SCG5: variants seen among roughly 807,000 people sequenced by gnomAD.
SCG5 encodes neuroendocrine protein 7B2.
SCG5 carries 18 observed loss-of-function variants against 25.7 expected under a neutral mutation model. The ratio of observed to expected loss-of-function variants is 0.70; its 90% CI spans 0.48 to 1.04. The LOEUF (loss-of-function observed/expected upper bound fraction) is 1.04. Among genes scored for constraint, SCG5 ranks in the 50% least tolerant of loss-of-function variants. The probability of loss-of-function intolerance (pLI) is 0.00; values close to 1 mark genes in which losing one functional copy is unlikely to be tolerated. For synonymous variants in SCG5, 101 were observed against 91.7 expected, an observed-to-expected ratio of 1.10 and a Z score of -0.58; for missense variants, 206 against 259.8, an observed-to-expected ratio of 0.79 and a Z score of 1.42.
At chr15:32,686,504 G>A in intron 4 of SCG5, among the ~76,000 whole-genome samples, 1 of 152,084 alleles carries the variant, frequency 6.6e-6, no homozygotes, top group East Asian at 1.9e-4. Context: ...GATATGTCAG[G>A]TTCATATGAA....
intron 5 of SCG5, chr15:32,692,162 C>G (rs963998045): frequency 3.9e-6 from 4 of 1,038,002 alleles, no homozygotes; most frequent in Non-Finnish European, 4.6e-6. Context: ...AGGACAGAAA[C>G]AGGGAAGTGC....
chr15:32,678,280 A>C (rs1404592866), intron 2 of SCG5, among the ~76,000 whole-genome samples: 2 of 152,216 alleles, frequency 1.3e-5, no homozygotes, highest in Non-Finnish European at 2.9e-5. Context: ...CTCAGACAAC[A>C]TGGGAAAATA....
chr15:32,672,868 T>C (rs1361014573), intron 2 of SCG5: 1 of 130,728 alleles, frequency 7.6e-6, no homozygotes, highest in Non-Finnish European at 1.6e-5. Flanking sequence ...AGGACGTTTT[T>C]AATAAGGATG....
intron 2 of SCG5, among the ~76,000 whole-genome samples, chr15:32,677,951 C>T (rs1342948836): frequency 2.0e-5 from 3 of 152,078 alleles, no homozygotes; most frequent in Non-Finnish European, 2.9e-5. Flanking sequence ...AATAGGTTTT[C>T]GTATGTATGA....
intron 2 of SCG5, among the ~76,000 whole-genome samples, chr15:32,661,561 G>A (rs560767218): frequency 2.0e-5 from 3 of 152,112 alleles, no homozygotes; most frequent in South Asian, 4.2e-4. Flanking sequence ...CAGAGGTTGC[G>A]GTGAGCCGAG....
At chr15:32,661,619 A>C (rs1484109945) in intron 2 of SCG5, among the ~76,000 whole-genome samples, 1 of 152,130 alleles carries the variant, frequency 6.6e-6, no homozygotes, top group Non-Finnish European at 1.5e-5. Flanking sequence ...ACTCTGTCTC[A>C]ACAAAAAAAA....
chr15:32,695,822 A>G (rs1213632202), intron 5 of SCG5, among the ~76,000 whole-genome samples: 1 of 152,192 alleles, frequency 6.6e-6, no homozygotes, highest in Non-Finnish European at 1.5e-5. Context: ...AGGGCCATAG[A>G]ATAATAATTA....
chr15:32,659,092 C>T (rs999096495), intron 2 of SCG5, among the ~76,000 whole-genome samples: 3 of 152,148 alleles, frequency 2.0e-5, no homozygotes, highest in East Asian at 1.9e-4. Flanking sequence ...AGGAGAATGG[C>T]GAGAACCTGG....
chr15:32,680,489 C>T (rs556940719), intron 3 of SCG5, among the ~76,000 whole-genome samples: 58 of 152,040 alleles, frequency 3.8e-4, no homozygotes, highest in African/African-American at 1.4e-3. Context: ...TGAGCCACTG[C>T]GCCCGGCCTG....
At chr15:32,691,638 C>A in intron 4 of SCG5, 72 bp from the exon 5 acceptor site, 1 of 1,218,600 alleles carries the variant, frequency 8.2e-7, no homozygotes, top group Non-Finnish European at 1.2e-6. Context: ...CCAAGTATTG[C>A]TTTTAAAATA....
chr15:32,643,288 C>T (rs1290345867), intron 1 of SCG5, among the ~76,000 whole-genome samples: 3 of 152,174 alleles, frequency 2.0e-5, no homozygotes, highest in Non-Finnish European at 4.4e-5. Context: ...GCAGAACTTT[C>T]AGGGAGCTAC....
rs77374368 is a variant in SCG5 at position 32,669,675 on chromosome 15, C to T, written c.227-10091C>T. 3.7e-3 allele frequency among the ~76,000 whole-genome samples: 564 copies of T among 152,228 alleles called. 4 individuals are homozygous for T. The highest frequency in any genetic ancestry group is 0.013 in the African/African-American group (536 of 41,518). On this transcript the variant is annotated intron_variant, in intron 2 of 5. Coordinates refer to ENST00000300175, the MANE Select transcript of SCG5 (RefSeq NM_001144757.3). ...GCTATTGCAAATTACCTATTTGAAA[C>T]GGCTTTTTCAAAACCTGCTAAATTC...
At chr15:32,686,934 G>A (rs2054722843) in intron 4 of SCG5, among the ~76,000 whole-genome samples, 1 of 152,224 alleles carries the variant, frequency 6.6e-6, no homozygotes, top group South Asian at 2.1e-4. Flanking sequence ...AAGGGTAGAG[G>A]AAGATCCAGA....
At chr15:32,673,442 G>A (rs1019352369) in intron 2 of SCG5, among the ~76,000 whole-genome samples, 8 of 151,864 alleles carry the variant, frequency 5.3e-5, no homozygotes, top group African/African-American at 1.9e-4. Context: ...AGCAGCATCT[G>A]CACTATCTGG....
chr15:32,683,582 T>C (rs1169177216), intron 3 of SCG5, among the ~76,000 whole-genome samples: 1 of 152,212 alleles, frequency 6.6e-6, no homozygotes. Context: ...ATTGCAAACC[T>C]ATTATGTGCC....
chr15:32,695,007 CTTTCTTTTTTTTTTTT>C lies in SCG5; in HGVS notation c.544-1496_544-1481del, dbSNP rs2054928382. ...GATCGTTTGTAACTACAGCTTCTTT[CTTTCTTTTTTTTTTTT>C]TTTCTTTTTTGAGATGGAGTCTCGC... On this transcript the variant is annotated intron_variant, in intron 5 of 5. Transcript: ENST00000300175. 4.2e-5 allele frequency among the ~76,000 whole-genome samples: 4 copies of C among 94,548 alleles called. No homozygotes were observed. The South Asian group carries it at 1.3e-3, about 30-fold the overall frequency. The allele number at this position is 94,548 out of a possible 152,430, so 62.0% of individuals were successfully genotyped here.
At chr15:32,687,686 C>T (rs1268882176) in intron 4 of SCG5, among the ~76,000 whole-genome samples, 3 of 152,208 alleles carry the variant, frequency 2.0e-5, no homozygotes, top group East Asian at 1.9e-4. Context: ...CTGCTAATAA[C>T]GCTTCCTTGT....
intron 4 of SCG5, 40 bp downstream of exon 4, chr15:32,684,709 G>T (rs561353537): frequency 7.5e-7 from 1 of 1,337,100 alleles, no homozygotes; most frequent in African/African-American, 1.4e-5. Flanking sequence ...TTGCACTTTG[G>T]TACTCTGAAG....
intron 4 of SCG5, among the ~76,000 whole-genome samples, chr15:32,685,648 A>G (rs555610806): frequency 1.4e-4 from 22 of 152,342 alleles, no homozygotes; most frequent in South Asian, 1.2e-3. Context: ...TTGGGATTCA[A>G]GAAGATCCCA....
Sources: gnomAD v4.1 joint callset for allele counts (sites outside exome capture counted in the v4.1 genomes callset) on GRCh38, gnomAD v4.1.1 for gene constraint, MANE v1.5 for transcripts, NCBI Gene and HGNC (gene_info 2026-07-23, HGNC 2026-07-21) for gene names.